Variants in TTC28 observed in about 807,000 individuals in gnomAD.
The protein encoded by TTC28 is tetratricopeptide repeat domain 28.
In TTC28, 61 loss-of-function variants were observed where a neutral mutation model predicts 198.0. The ratio of observed to expected loss-of-function variants is 0.31; its 90% CI spans 0.25 to 0.38. The LOEUF (loss-of-function observed/expected upper bound fraction) is 0.38. Ranked by LOEUF, TTC28 falls within the 10% of genes least tolerant of loss-of-function variation. TTC28 has a pLI of 1.00. For synonymous variants in TTC28, 1,171 were observed against 1,297.8 expected (o/e 0.90, Z 2.10); for missense variants, 2,678 against 3,164.0 (o/e 0.85, Z 3.69).
At chr22:28,170,301 C>A in intron 5 of TTC28, among the ~76,000 whole-genome samples, 1 of 151,768 alleles carries the variant, frequency 6.6e-6, no homozygotes, top group East Asian at 1.9e-4. Flanking sequence ...TCCTGGCTAA[C>A]ACGGTGAAAC....
At chr22:28,568,361 C>A (rs1569030685) in intron 2 of TTC28, among the ~76,000 whole-genome samples, 1 of 152,014 alleles carries the variant, frequency 6.6e-6, no homozygotes, top group Non-Finnish European at 1.5e-5. Flanking sequence ...AAGTCCTAGC[C>A]AGAGCAATCA....
chr22:28,557,965 T>G (rs1346528701), intron 2 of TTC28, among the ~76,000 whole-genome samples: 2 of 152,238 alleles, frequency 1.3e-5, no homozygotes, highest in Non-Finnish European at 2.9e-5. Context: ...AGGCTACCTT[T>G]CATGATCATT....
chr22:28,472,204 G>A (rs537335906), intron 2 of TTC28, among the ~76,000 whole-genome samples: 26 of 152,034 alleles, frequency 1.7e-4, no homozygotes, highest in African/African-American at 5.8e-4. Context: ...TCAATTCTCC[G>A]CCTTGTATGA....
At chr22:28,632,768 T>TAA (rs113714992) in intron 1 of TTC28, among the ~76,000 whole-genome samples, 16 of 141,926 alleles carry the variant, frequency 1.1e-4, no homozygotes, top group African/African-American at 3.8e-4. Flanking sequence ...TGTAAGTTAT[T>TAA]AAAAAAAAAA....
chr22:28,339,106 GC>G (rs1418376530), intron 2 of TTC28, among the ~76,000 whole-genome samples: 1 of 152,216 alleles, frequency 6.6e-6, no homozygotes, highest in African/African-American at 2.4e-5. Context: ...AGGACTCTCA[GC>G]TGCAGGTCTG....
chr22:27,989,056 G>A (rs923466181), intron 21 of TTC28, among the ~76,000 whole-genome samples: 2 of 152,178 alleles, frequency 1.3e-5, no homozygotes, highest in African/African-American at 4.8e-5. Flanking sequence ...AATGGTTCCC[G>A]AGCCAGTCAC....
intron 14 of TTC28, 128 bp from the exon 15 acceptor site, chr22:28,001,681 G>A (rs1184584409): frequency 8.9e-7 from 1 of 1,124,750 alleles, no homozygotes. Context: ...GGGGTGTGGG[G>A]CGCCATGGGG....
At chr22:28,117,429 C>A (rs1942662224) in intron 6 of TTC28, among the ~76,000 whole-genome samples, 1 of 152,214 alleles carries the variant, frequency 6.6e-6, no homozygotes, top group African/African-American at 2.4e-5. Flanking sequence ...AATTACAAAT[C>A]ATATTCTAAC....
intron 12 of TTC28, among the ~76,000 whole-genome samples, chr22:28,065,742 T>TA (rs894551157): frequency 6.6e-5 from 10 of 150,976 alleles, no homozygotes; most frequent in Admixed American, 2.6e-4. Context: ...GAAAATGGAG[T>TA]AAAAAAAGAA....
intron 5 of TTC28, among the ~76,000 whole-genome samples, chr22:28,246,604 A>T (rs1930115237): frequency 6.6e-6 from 1 of 152,320 alleles, no homozygotes; most frequent in Middle Eastern, 3.4e-3. Context: ...CCTTACATAT[A>T]TAAATTACCT....
intron 2 of TTC28, among the ~76,000 whole-genome samples, chr22:28,431,927 A>G (rs1601390384): frequency 6.6e-6 from 1 of 151,316 alleles, no homozygotes; most frequent in East Asian, 2.0e-4. Flanking sequence ...GTAGTGAGCC[A>G]AGATCATGCC....
At position 28,618,682 on chromosome 22, in the gene TTC28, CA is replaced by C. The variant is rs397974118; in HGVS notation, c.381+10869del. Among the ~76,000 whole-genome samples the C allele has an allele frequency of 2.6e-3, 142 of 54,064 alleles. 1 individual carries two copies. Among genetic ancestry groups the C allele is most frequent in the African/African-American group, 6.7e-3 (102 of 15,208 alleles). The allele number at this position is 54,064 out of a possible 152,430, so 35.5% of individuals were successfully genotyped here. The stretch of plus-strand genomic sequence containing the variant: ...GGGTGACAGAGCAAGACTCTGTCTC[CA>C]AAAAAAAAAAAAAAAAACATAGCAA... On this transcript the variant is annotated intron_variant, in intron 2 of 22. Coordinates refer to ENST00000397906, the MANE Select transcript of TTC28 (RefSeq NM_001145418.2).
rs1298970241 is a variant in TTC28 at position 28,349,040 on chromosome 22, A to G, written c.382-42397T>C. On this transcript the variant is annotated intron_variant, in intron 2 of 22. Coordinates refer to ENST00000397906, the MANE Select transcript of TTC28 (RefSeq NM_001145418.2). Reference sequence around the variant, plus strand: ...TCAATAATCTGCTGCTCTGTGTCACATGGAAATCCTGACTGCTGTCAGCAG... The same window carrying G: ...TCAATAATCTGCTGCTCTGTGTCACGTGGAAATCCTGACTGCTGTCAGCAG... Among the ~76,000 whole-genome samples the G allele has an allele frequency of 2.0e-5, 3 of 152,324 alleles. No homozygotes were observed. The East Asian group carries it at 5.8e-4, about 29-fold the overall frequency.
intron 2 of TTC28, among the ~76,000 whole-genome samples, chr22:28,349,952 GAAGAT>G (rs1451113927): frequency 6.6e-6 from 1 of 152,202 alleles, no homozygotes; most frequent in Non-Finnish European, 1.5e-5. Context: ...ACACTACAGT[GAAGAT>G]GAGATAGTAA....
At chr22:28,368,061 A>G (rs377460642) in intron 2 of TTC28, among the ~76,000 whole-genome samples, 1 of 152,136 alleles carries the variant, frequency 6.6e-6, no homozygotes. Flanking sequence ...TCATTTTATG[A>G]AGCCAGTATT....
chr22:28,368,979 C>T (rs533844957), intron 2 of TTC28, among the ~76,000 whole-genome samples: 7 of 151,974 alleles, frequency 4.6e-5, no homozygotes, highest in East Asian at 3.9e-4. Context: ...AAGGAATCTA[C>T]GGATTCAATG....
chr22:28,055,832 C>G (rs1940265123), intron 12 of TTC28, among the ~76,000 whole-genome samples: 1 of 152,126 alleles, frequency 6.6e-6, no homozygotes, highest in African/African-American at 2.4e-5. Flanking sequence ...GTCACTCATA[C>G]CGTCACCCCT....
chr22:28,093,964 G>C, intron 12 of TTC28, 116 bp downstream of exon 12: 1 of 1,099,382 alleles, frequency 9.1e-7, no homozygotes, highest in Non-Finnish European at 1.3e-6. Context: ...TGAACAGACT[G>C]AGCGCAACTA....
At chr22:28,073,340 G>T (rs1303602174) in intron 12 of TTC28, among the ~76,000 whole-genome samples, 2 of 152,166 alleles carry the variant, frequency 1.3e-5, no homozygotes, top group Non-Finnish European at 2.9e-5. Flanking sequence ...CTGAGCCAGG[G>T]ACATATATCT....
Sources: allele counts gnomAD v4.1 joint callset (sites outside exome capture counted in the v4.1 genomes callset), GRCh38; gene constraint gnomAD v4.1.1; transcripts MANE v1.5; gene names NCBI Gene and HGNC (gene_info 2026-07-23, HGNC 2026-07-21).